The following BCKDHB variants were observed in gnomAD, a reference collection of about 807,000 sequenced individuals.
BCKDHB encodes the protein branched chain keto acid dehydrogenase E1 subunit beta, also known as 2-oxoisovalerate dehydrogenase subunit beta, mitochondrial.
Under a neutral mutation model 48.5 loss-of-function variants are expected in BCKDHB, and 41 were observed. That is an observed-to-expected ratio of 0.85 (90% CI 0.66 to 1.10). BCKDHB has a LOEUF of 1.10. BCKDHB is among the 50% of genes least tolerant of loss of function. The probability of loss-of-function intolerance (pLI) is 0.00; values close to 1 mark genes in which losing one functional copy is unlikely to be tolerated. For missense variants in BCKDHB, 496 were observed against 494.2 expected (o/e 1.00, Z -0.03); for synonymous variants, 201 against 174.8 (o/e 1.15, Z -1.18).
rs7740932 is a variant in BCKDHB at position 80,345,614 on chromosome 6, T to C, written c.*1810T>C. The C allele has an allele frequency of 0.78, 118,020 of 151,884 alleles. 46,195 individuals are homozygous for C. Among genetic ancestry groups the C allele is most frequent in the Admixed American group, 0.84 (12,754 of 15,272 alleles). 9.4% of individuals were successfully genotyped at this position (151,884 alleles called of 1,614,324 possible). On this transcript the variant is annotated 3_prime_UTR_variant, in exon 10 of 10. Transcript: ENST00000320393. ...CTCTCAGACATACCGGTGTAGATGC[T>C]ATATTTCTGATGTCTTCTTAATGTC...
chr6:80,210,120 A>G, intron 8 of BCKDHB, among the ~76,000 whole-genome samples: 1 of 126,268 alleles, frequency 7.9e-6, no homozygotes, highest in Non-Finnish European at 1.6e-5. Context: ...GTATGTGTAT[A>G]TGTGAAGAAA....
chr6:80,370,580 CATT>C, the BCKDHB span, among the ~76,000 whole-genome samples: 1 of 152,022 alleles, frequency 6.6e-6, no homozygotes, highest in African/African-American at 2.4e-5. Context: ...CCTCAAAGTC[CATT>C]ATATCATTCT....
chr6:80,413,896 A>T, the BCKDHB span, among the ~76,000 whole-genome samples: 1 of 152,178 alleles, frequency 6.6e-6, no homozygotes, highest in African/African-American at 2.4e-5. Context: ...ACAATGGTTG[A>T]ACTAATTTAC....
At chr6:80,404,874 T>G in the BCKDHB span, among the ~76,000 whole-genome samples, 3 of 152,124 alleles carry the variant, frequency 2.0e-5, no homozygotes, top group Admixed American at 6.6e-5. Context: ...TGTTATTGAT[T>G]TCTAGTTTCA....
chr6:80,133,509 A>G (rs1770734168), intron 3 of BCKDHB, among the ~76,000 whole-genome samples: 2 of 152,136 alleles, frequency 1.3e-5, no homozygotes, highest in South Asian at 2.1e-4. Flanking sequence ...AGCTTTAACC[A>G]CTGTACGTAA....
At chr6:80,123,052 T>A (rs1385259520) in intron 1 of BCKDHB, among the ~76,000 whole-genome samples, 2 of 142,716 alleles carry the variant, frequency 1.4e-5, no homozygotes, top group Non-Finnish European at 3.0e-5. Context: ...TTTAGCAATA[T>A]CTCTCCTACT....
chr6:80,265,684 G>A (rs563958849), intron 8 of BCKDHB, among the ~76,000 whole-genome samples: 117 of 152,158 alleles, frequency 7.7e-4, no homozygotes, highest in Admixed American at 1.3e-3. Flanking sequence ...AATTAAAAAT[G>A]ATTAAAAGGG....
At chr6:80,419,662 G>A in the BCKDHB span, among the ~76,000 whole-genome samples, 1 of 152,132 alleles carries the variant, frequency 6.6e-6, no homozygotes, top group Non-Finnish European at 1.5e-5. Context: ...ATGTGTCTGT[G>A]GTGTTTGAGG....
At chr6:80,169,840 T>C (rs767536865) in intron 5 of BCKDHB, 1 of 1,608,870 alleles carries the variant, frequency 6.2e-7, no homozygotes, top group Admixed American at 1.7e-5. Flanking sequence ...CTTAGTTGAG[T>C]AGATGTTGCC....
At chr6:80,129,489 T>C (rs1460525373) in intron 3 of BCKDHB, among the ~76,000 whole-genome samples, 2 of 152,240 alleles carry the variant, frequency 1.3e-5, no homozygotes, top group African/African-American at 4.8e-5. Context: ...ATTTATTGTG[T>C]CATTCTTCTG....
chr6:80,164,010 T>C (rs1319250629), intron 3 of BCKDHB, among the ~76,000 whole-genome samples: 4 of 152,254 alleles, frequency 2.6e-5, no homozygotes, highest in African/African-American at 9.6e-5. Flanking sequence ...TAATCAATCT[T>C]GCTGTGTCCA....
chr6:80,244,792 A>G (rs976807313), intron 8 of BCKDHB, among the ~76,000 whole-genome samples: 3 of 152,234 alleles, frequency 2.0e-5, no homozygotes, highest in African/African-American at 7.2e-5. Flanking sequence ...CAGAAGAAAG[A>G]TGACTGTAAC....
intron 3 of BCKDHB, among the ~76,000 whole-genome samples, chr6:80,143,020 T>G (rs1391637753): frequency 6.6e-6 from 1 of 152,124 alleles, no homozygotes; most frequent in Non-Finnish European, 1.5e-5. Flanking sequence ...CAATTTAGAT[T>G]CCTAAAATTA....
At chr6:80,421,007 G>A in the BCKDHB span, among the ~76,000 whole-genome samples, 1 of 152,148 alleles carries the variant, frequency 6.6e-6, no homozygotes, top group African/African-American at 2.4e-5. Flanking sequence ...TGGAATACTG[G>A]AACCTCTCAG....
At chr6:80,445,121 G>A in the BCKDHB span, among the ~76,000 whole-genome samples, 1 of 151,982 alleles carries the variant, frequency 6.6e-6, no homozygotes, top group African/African-American at 2.4e-5. Flanking sequence ...ATCTACCTTG[G>A]CACTAAAAAT....
downstream of BCKDHB, among the ~76,000 whole-genome samples, chr6:80,350,391 G>C (rs964454821): frequency 7.2e-6 from 1 of 139,406 alleles, no homozygotes; most frequent in Non-Finnish European, 1.5e-5. Flanking sequence ...AAAAATAGTG[G>C]GTTTTTTTTT....
At position 80,191,925 on chromosome 6, in the gene BCKDHB, G is replaced by A. The variant is rs541922366; in HGVS notation, c.743-9009G>A. Among the ~76,000 whole-genome samples, 3 of 152,274 alleles carry A rather than the reference G, an allele frequency of 2.0e-5. No homozygotes were observed. The East Asian group carries it at 5.8e-4, about 29-fold the overall frequency. ...TAATGAATTCATTTAAAAAAGTGCT[G>A]CATCACTGATGTGCTTGGTGACACA... On this transcript the variant is annotated intron_variant, in intron 6 of 9. Transcript: ENST00000320393.
chr6:80,334,888 A>G (rs922102660), intron 9 of BCKDHB, among the ~76,000 whole-genome samples: 2 of 151,960 alleles, frequency 1.3e-5, no homozygotes, highest in Non-Finnish European at 2.9e-5. Flanking sequence ...ATCATTTTTT[A>G]TATGTATATA....
intron 6 of BCKDHB, among the ~76,000 whole-genome samples, chr6:80,190,965 C>T (rs951439196): frequency 1.3e-5 from 2 of 151,562 alleles, no homozygotes; most frequent in Non-Finnish European, 2.9e-5. Flanking sequence ...GGTGGCAGGG[C>T]ATTTAATAGG....
Sources: allele counts gnomAD v4.1 joint callset (sites outside exome capture counted in the v4.1 genomes callset), GRCh38; gene constraint gnomAD v4.1.1; transcripts MANE v1.5; gene names NCBI Gene and HGNC (gene_info 2026-07-23, HGNC 2026-07-21).